CDH2: variants seen among roughly 807,000 people sequenced by gnomAD.
The protein encoded by CDH2 is cadherin 2.
In CDH2, 17 loss-of-function variants were observed where a neutral mutation model predicts 92.0. That is an observed-to-expected ratio of 0.18 (90% CI 0.13 to 0.28). CDH2 has a LOEUF of 0.28. Among genes scored for constraint, CDH2 ranks in the 10% least tolerant of loss-of-function variants. The pLI is 1.00. For missense variants in CDH2, 862 were observed against 1,133.1 expected, an observed-to-expected ratio of 0.76 and a Z score of 3.44; for synonymous variants, 419 against 415.9, an observed-to-expected ratio of 1.01 and a Z score of -0.09.
At chr18:27,995,088 G>A (rs573107849) in intron 7 of CDH2, among the ~76,000 whole-genome samples, 86 of 152,008 alleles carry the variant, frequency 5.7e-4, no homozygotes, top group Non-Finnish European at 9.3e-4. Flanking sequence ...CGAGGCAGGC[G>A]GATCATGAGG....
intron 2 of CDH2, among the ~76,000 whole-genome samples, chr18:28,104,646 A>T (rs1157991261): frequency 6.6e-6 from 1 of 151,442 alleles, no homozygotes; most frequent in Admixed American, 6.6e-5. Context: ...AATTCAATAG[A>T]CAAAAAAACA....
chr18:28,063,085 A>C (rs1213259220), intron 2 of CDH2, among the ~76,000 whole-genome samples: 4 of 152,226 alleles, frequency 2.6e-5, no homozygotes, highest in African/African-American at 9.6e-5. Context: ...ATTAGATATA[A>C]GTAGCACTGT....
At chr18:28,044,204 C>T (rs569617897) in intron 2 of CDH2, among the ~76,000 whole-genome samples, 2 of 152,290 alleles carry the variant, frequency 1.3e-5, no homozygotes, top group South Asian at 2.1e-4. Context: ...TGGGCCACCA[C>T]GCCCTGCTAG....
intron 2 of CDH2, among the ~76,000 whole-genome samples, chr18:28,101,629 T>C (rs1006525049): frequency 2.6e-5 from 4 of 152,158 alleles, no homozygotes; most frequent in African/African-American, 9.7e-5. Flanking sequence ...AGCAAAATGC[T>C]ATGTTTGCTG....
intron 2 of CDH2, among the ~76,000 whole-genome samples, chr18:28,135,591 C>T (rs147146782): frequency 6.6e-6 from 1 of 152,172 alleles, no homozygotes; most frequent in Non-Finnish European, 1.5e-5. Context: ...AATTTTCCTA[C>T]AATATAAATG....
intron 14 of CDH2, among the ~76,000 whole-genome samples, chr18:27,969,670 T>C (rs1043771902): frequency 6.6e-6 from 1 of 152,226 alleles, no homozygotes; most frequent in Non-Finnish European, 1.5e-5. Flanking sequence ...GCCTTTACTC[T>C]AATGTCTTTT....
At chr18:28,102,305 A>C (rs2015240078) in intron 2 of CDH2, among the ~76,000 whole-genome samples, 1 of 152,212 alleles carries the variant, frequency 6.6e-6, no homozygotes, top group Non-Finnish European at 1.5e-5. Context: ...GATTGACTAC[A>C]AACTGCCTAA....
intron 1 of CDH2, among the ~76,000 whole-genome samples, chr18:28,161,895 T>C (rs990925826): frequency 3.9e-5 from 6 of 152,152 alleles, no homozygotes; most frequent in Non-Finnish European, 1.5e-5. Context: ...TTTCTTCCTG[T>C]CAGAGCCACG....
At chr18:28,122,212 A>G (rs2015600162) in intron 2 of CDH2, among the ~76,000 whole-genome samples, 1 of 152,078 alleles carries the variant, frequency 6.6e-6, no homozygotes, top group Non-Finnish European at 1.5e-5. Flanking sequence ...TCTCCAGGAA[A>G]CCTTTTTCAA....
chr18:28,003,823 C>A (rs1475806775), intron 6 of CDH2, among the ~76,000 whole-genome samples: 1 of 152,168 alleles, frequency 6.6e-6, no homozygotes, highest in Non-Finnish European at 1.5e-5. Flanking sequence ...ATCTTCAAAG[C>A]CTTTGTATCG....
intron 2 of CDH2, among the ~76,000 whole-genome samples, chr18:28,089,141 A>G (rs571776782): frequency 6.6e-6 from 1 of 152,266 alleles, no homozygotes; most frequent in South Asian, 2.1e-4. Flanking sequence ...ACTCTAGCAC[A>G]CTGGAAAAGC....
intron 2 of CDH2, among the ~76,000 whole-genome samples, chr18:28,131,721 G>A (rs1292350325): frequency 1.3e-5 from 2 of 148,220 alleles, no homozygotes; most frequent in East Asian, 1.9e-4. Context: ...CTGAAATAGT[G>A]TGATCCTACA....
At chr18:28,113,839 A>G (rs542245828) in intron 2 of CDH2, among the ~76,000 whole-genome samples, 98 of 152,308 alleles carry the variant, frequency 6.4e-4, no homozygotes, top group Admixed American at 2.3e-3. Flanking sequence ...GTAATTTATA[A>G]AAGACTGAGT....
intron 2 of CDH2, among the ~76,000 whole-genome samples, chr18:28,030,905 C>T (rs961604021): frequency 3.7e-4 from 57 of 152,078 alleles, no homozygotes; most frequent in African/African-American, 1.3e-3. Flanking sequence ...CTGGTTTCCC[C>T]CATCCCATTG....
intron 1 of CDH2, among the ~76,000 whole-genome samples, chr18:28,162,567 A>G (rs2016321884): frequency 6.6e-6 from 1 of 152,100 alleles, no homozygotes; most frequent in Non-Finnish European, 1.5e-5. Context: ...AGATTTTCCC[A>G]TTCTTAAGCC....
At chr18:28,040,808 A>T (rs927974810) in intron 2 of CDH2, among the ~76,000 whole-genome samples, 1 of 152,196 alleles carries the variant, frequency 6.6e-6, no homozygotes, top group Non-Finnish European at 1.5e-5. Flanking sequence ...AGCACAACAA[A>T]TACCAAGTAT....
chr18:28,103,728 A>G (rs28564564), intron 2 of CDH2, among the ~76,000 whole-genome samples: 7,510 of 151,482 alleles, frequency 0.05, 230 homozygotes, highest in South Asian at 0.083. Flanking sequence ...TTCAATTCCC[A>G]CTTATGAGTG....
At chr18:28,038,303 T>G (rs1238755) in intron 2 of CDH2, among the ~76,000 whole-genome samples, 71,542 of 151,746 alleles carry the variant, frequency 0.47, 17,107 homozygotes, top group Admixed American at 0.55. Context: ...CACACCTGTA[T>G]TCCCAGCTAC....
intron 2 of CDH2, among the ~76,000 whole-genome samples, chr18:28,126,411 T>C (rs2015678331): frequency 6.6e-6 from 1 of 152,220 alleles, no homozygotes; most frequent in South Asian, 2.1e-4. Flanking sequence ...TATTTACTCA[T>C]TGGGTGCTTG....
Sources: allele counts gnomAD v4.1 joint callset (sites outside exome capture counted in the v4.1 genomes callset), GRCh38; gene constraint gnomAD v4.1.1; transcripts MANE v1.5; gene names NCBI Gene and HGNC (gene_info 2026-07-23, HGNC 2026-07-21).